Variants in KCNT1 observed in about 807,000 individuals in gnomAD.
KCNT1 encodes potassium sodium-activated channel subfamily T member 1, also known as potassium channel subfamily T member 1.
A neutral mutation model predicts 147.8 loss-of-function variants in KCNT1; 78 were observed. The observed-to-expected ratio is 0.53, with a 90% CI of 0.44 to 0.64. KCNT1 has a LOEUF of 0.64. KCNT1 is among the 30% of genes least tolerant of loss of function. KCNT1 has a pLI of 0.00. For missense variants in KCNT1, 1,419 were observed against 1,750.3 expected (o/e 0.81, Z 3.38); for synonymous variants, 867 against 748.8 (o/e 1.16, Z -2.58).
chr9:135,741,492 G>A (rs1489477312), intron 2 of KCNT1, among the ~76,000 whole-genome samples: 2 of 152,238 alleles, frequency 1.3e-5, no homozygotes, highest in African/African-American at 2.4e-5. Context: ...GGACAAACAC[G>A]CAGAATCTGC....
intron 2 of KCNT1, among the ~76,000 whole-genome samples, chr9:135,740,729 G>C (rs1393619279): frequency 6.6e-6 from 1 of 152,248 alleles, no homozygotes; most frequent in Non-Finnish European, 1.5e-5. Context: ...TGGGAGGTGG[G>C]TGGGCCCAGG....
In KCNT1 at chr9:135,752,569, T is replaced by G. The variant is rs912158492; in HGVS notation, c.435-1368T>G. 1 of 372,286 alleles carries G rather than the reference T, an allele frequency of 2.7e-6. No homozygotes were observed. Among genetic ancestry groups the G allele is most frequent in the African/African-American group, 2.1e-5 (1 of 47,080 alleles). The allele number at this position is 372,286 out of a possible 1,614,324, so 23.1% of individuals were successfully genotyped here. On this transcript the variant is annotated intron_variant, in intron 4 of 30. Coordinates refer to ENST00000371757, the MANE Select transcript of KCNT1 (RefSeq NM_020822.3). The surrounding 1 kb of genome is among the most constrained non-coding windows in gnomAD (Gnocchi z 5.1). ...GTCCCCTAGCACAGCGTCCAGGACA[T>G]GGATGGGGGTGGGAAGATGGGTGGA...
Position 135,714,756 on chromosome 9 carries a change from C to A in KCNT1, c.254+36C>A. 8.2e-7 allele frequency: 1 copy of A among 1,216,562 alleles called. No individual in the cohort carries two copies. Among genetic ancestry groups the A allele is most frequent in the Non-Finnish European group, 1.0e-6 (1 of 964,912 alleles). The allele number at this position is 1,216,562 out of a possible 1,614,324, so 75.4% of individuals were successfully genotyped here. ...GGCGCGGGGTGGGGGCTGGGGTCGC[C>A]GTCCCGGCGCCGCCGCACGCCCGGA... On this transcript the variant is annotated intron_variant, in intron 2 of 30. Transcript: ENST00000371757. This position sits in a 1 kb window ranked among gnomAD's most constrained non-coding sequence, Gnocchi z 6.2.
chr9:135,773,368 C>A (rs943786705), intron 19 of KCNT1, among the ~76,000 whole-genome samples: 1 of 152,190 alleles, frequency 6.6e-6, no homozygotes, highest in Admixed American at 6.5e-5. Flanking sequence ...TGGGCAGTGA[C>A]CCCAGGCCAT....
chr9:135,786,748 A>G (rs900079949), intron 29 of KCNT1, among the ~76,000 whole-genome samples: 1 of 152,226 alleles, frequency 6.6e-6, no homozygotes, highest in East Asian at 1.9e-4. Context: ...GGAAGTGGCC[A>G]TGGCCCACCC....
intron 2 of KCNT1, among the ~76,000 whole-genome samples, chr9:135,739,467 A>C: frequency 7.3e-6 from 1 of 137,212 alleles, no homozygotes; most frequent in African/African-American, 2.8e-5. Context: ...CCTTGCCAGG[A>C]CCTCCCTCCC....
At position 135,784,520 on chromosome 9, in the gene KCNT1, TCCCTC is replaced by T. The variant is rs1833878613; in HGVS notation, c.2944-12_2944-8del. 3 of 170,744 alleles carry T rather than the reference TCCCTC, an allele frequency of 1.8e-5. No individual in the cohort carries two copies. The highest frequency in any genetic ancestry group is 1.4e-4 in the South Asian group (3 of 21,184). The allele number at this position is 170,744 out of a possible 1,614,324, so 10.6% of individuals were successfully genotyped here. On this transcript the variant is annotated splice_polypyrimidine_tract_variant and intron_variant, in intron 25 of 30. Coordinates refer to ENST00000371757, the MANE Select transcript of KCNT1 (RefSeq NM_020822.3). ...CTCCCTCCCTCCCTCCCTCCCTCCCTCCCTCCCTGGCCAGTCCTTCGTGAAGGACT... is the reference window on the plus strand; with the variant it reads ...CTCCCTCCCTCCCTCCCTCCCTCCCTCCTGGCCAGTCCTTCGTGAAGGACT...
chr9:135,722,601 C>A (rs1173195177), intron 2 of KCNT1, among the ~76,000 whole-genome samples: 1 of 152,222 alleles, frequency 6.6e-6, no homozygotes, highest in Non-Finnish European at 1.5e-5. Context: ...CACCACAGAC[C>A]CGGCAGCCTC....
In KCNT1 at chr9:135,746,116, T is replaced by C. The variant is rs545639326; in HGVS notation, c.255-3982T>C. 2.0e-5 allele frequency among the ~76,000 whole-genome samples: 3 copies of C among 152,350 alleles called. No individual in the cohort carries two copies. In the East Asian group the frequency reaches 5.8e-4, roughly 29 times the overall value. On this transcript the variant is annotated intron_variant, in intron 2 of 30. Coordinates refer to ENST00000371757, the MANE Select transcript of KCNT1 (RefSeq NM_020822.3). ...CGTTTTCATCTCCTTTTTGTGGTGG[T>C]GCTCGGAGAAGTGGGCGGCCACAGT...
intron 18 of KCNT1, among the ~76,000 whole-genome samples, chr9:135,771,754 C>T (rs1309040950): frequency 3.3e-5 from 5 of 152,024 alleles, no homozygotes; most frequent in African/African-American, 1.2e-4. Flanking sequence ...GGGCACCACC[C>T]ATAGTGGTGT....
chr9:135,769,099 ATG>A (rs1832543284), intron 15 of KCNT1, among the ~76,000 whole-genome samples, 162 bp downstream of exon 15: 1 of 59,238 alleles, frequency 1.7e-5, no homozygotes, highest in Non-Finnish European at 3.4e-5. Context: ...CTGGGGCAGG[ATG>A]CGTGTGCACA....
rs1401686299 is a variant in KCNT1 at position 135,783,960 on chromosome 9, G to C, written c.2842-64G>C. ...GTGCACACACAGTGCCCTCGACCCC[G>C]TGGCTGCCGTGCCACTGGAGGGACC... On this transcript the variant is annotated intron_variant, in intron 24 of 30. Coordinates refer to ENST00000371757, the MANE Select transcript of KCNT1 (RefSeq NM_020822.3). The C allele has an allele frequency of 6.0e-5, 77 of 1,287,978 alleles. 2 individuals carry two copies. The South Asian group carries it at 9.0e-4, about 15-fold the overall frequency. 79.8% of individuals were successfully genotyped at this position (1,287,978 alleles called of 1,614,324 possible). A position where few individuals can be genotyped will look rare whatever the true frequency, so the allele number is the denominator to read the frequency against.
chr9:135,721,766 G>C (rs368832220), intron 2 of KCNT1, among the ~76,000 whole-genome samples: 9 of 152,216 alleles, frequency 5.9e-5, no homozygotes, highest in African/African-American at 1.4e-4. Flanking sequence ...TTCCAGCTCA[G>C]GGTCGGTTTG....
intron 2 of KCNT1, among the ~76,000 whole-genome samples, chr9:135,738,615 T>C (rs536411004): frequency 6.6e-6 from 1 of 152,276 alleles, no homozygotes; most frequent in African/African-American, 2.4e-5. Flanking sequence ...CGTCTCATTG[T>C]TGAGAAGACA....
At chr9:135,720,181 C>T (rs1383708720) in intron 2 of KCNT1, among the ~76,000 whole-genome samples, 1 of 151,912 alleles carries the variant, frequency 6.6e-6, no homozygotes, top group East Asian at 2.0e-4. Flanking sequence ...CTGGATGCAC[C>T]CCTTCCATTC....
At chr9:135,729,714 A>G (rs929320771) in intron 2 of KCNT1, among the ~76,000 whole-genome samples, 22 of 152,118 alleles carry the variant, frequency 1.4e-4, no homozygotes, top group African/African-American at 4.8e-4. Flanking sequence ...TTCTGCCTCC[A>G]GTATTTTTTG....
intron 13 of KCNT1, among the ~76,000 whole-genome samples, chr9:135,767,088 G>T (rs1832341890): frequency 6.6e-6 from 1 of 152,144 alleles, no homozygotes; most frequent in South Asian, 2.1e-4. Context: ...TTCATTCCAG[G>T]AGCCTGAATG....
chr9:135,719,583 C>T (rs1038926547), intron 2 of KCNT1, among the ~76,000 whole-genome samples: 4 of 152,196 alleles, frequency 2.6e-5, no homozygotes, highest in African/African-American at 4.8e-5. Flanking sequence ...CCCAGCCCAC[C>T]GGGGCCACTG....
In KCNT1 at chr9:135,765,143, T is replaced by C; in HGVS notation, c.1148T>C (p.Ile383Thr). ...HVVLCVSSLKIDLLMDFLNEF... is the reference protein window; with the variant it reads ...HVVLCVSSLKTDLLMDFLNEF... ...GTCCTGTGTGTCAGCTCCCTCAAGA[T>C]CGACCTTCTCATGGACTTCCTGAAC... is the stretch of plus-strand genomic sequence containing the variant. The change falls in exon 12 of 31, where the codon ATC becomes ACC. Residue 383 changes from isoleucine (I) to threonine (T), a missense_variant. This residue lies in a region of KCNT1 where 401 missense variants were observed against 610.6 expected (regional missense o/e 0.66). Transcript: ENST00000371757. 1 of 1,613,430 alleles carries C rather than the reference T, an allele frequency of 6.2e-7. No homozygotes were observed. Among genetic ancestry groups the C allele is most frequent in the South Asian group, 1.1e-5 (1 of 91,070 alleles).
Sources: gnomAD v4.1 joint callset for allele counts (sites outside exome capture counted in the v4.1 genomes callset) on GRCh38, gnomAD v4.1.1 for gene constraint, gnomAD v4.1.1 regional missense constraint, Gnocchi (gnomAD v3.1) non-coding constraint, MANE v1.5 for transcripts, NCBI Gene and HGNC (gene_info 2026-07-23, HGNC 2026-07-21) for gene names.